STAG2: variants seen among roughly 807,000 people sequenced by gnomAD.
STAG2 encodes the protein cohesin subunit SA-2.
Under a neutral mutation model 108.1 loss-of-function variants are expected in STAG2, and 14 were observed. The observed-to-expected ratio is 0.13, with a 90% confidence interval of 0.09 to 0.20. STAG2 has a LOEUF of 0.20. STAG2 is among the 10% of genes least tolerant of loss of function. The pLI is 1.00. For missense variants in STAG2, 440 were observed against 940.9 expected, an observed-to-expected ratio of 0.47 and a Z score of 6.96; for synonymous variants, 307 against 302.7, an observed-to-expected ratio of 1.01 and a Z score of -0.15.
At chrX:123,988,020 GGAAAAT>G (rs1449086941) in intron 1 of STAG2, among the ~76,000 whole-genome samples, 5 of 111,623 alleles carry the variant, frequency 4.5e-5, no homozygotes, top group African/African-American at 6.5e-5. Context: ...AGGCTGGGAA[GGAAAAT>G]GAAAATAGGT....
chrX:124,027,116 C>G (rs916839684), intron 4 of STAG2, among the ~76,000 whole-genome samples: 76 of 111,664 alleles, frequency 6.8e-4, no homozygotes, highest in African/African-American at 2.4e-3. Context: ...TGAGATTTCA[C>G]TATGTTCCCC....
intron 1 of STAG2, among the ~76,000 whole-genome samples, chrX:123,989,130 A>T (rs1437293946): frequency 1.8e-5 from 2 of 112,029 alleles, no homozygotes; most frequent in Non-Finnish European, 3.8e-5. Context: ...GGTAGACTTA[A>T]TGAGTTTTGT....
At chrX:123,989,690 C>T (rs1170005976) in intron 1 of STAG2, among the ~76,000 whole-genome samples, 2 of 106,877 alleles carry the variant, frequency 1.9e-5, no homozygotes, top group East Asian at 2.9e-4. Context: ...CTGCAACCTC[C>T]GCCTCCCGTG....
At chrX:123,960,906 TG>T (rs1602585383), upstream of STAG2, 1 of 111,676 alleles carries the variant, frequency 9.0e-6, no homozygotes, top group African/African-American at 3.3e-5. Flanking sequence ...TCTAGAAGTT[TG>T]GAGGGGCACC....
chrX:124,058,395 C>T (rs771570570), intron 15 of STAG2, among the ~76,000 whole-genome samples: 5 of 112,120 alleles, frequency 4.5e-5, no homozygotes, highest in South Asian at 7.3e-4. Context: ...GGTGATCCGC[C>T]TGCCTTGGCC....
chrX:123,972,797 T>A (rs1165479843), intron 1 of STAG2, among the ~76,000 whole-genome samples: 2 of 90,402 alleles, frequency 2.2e-5, no homozygotes, highest in East Asian at 7.1e-4. Flanking sequence ...GGCTGGTGGA[T>A]CACTTGAGCT....
intron 25 of STAG2, among the ~76,000 whole-genome samples, chrX:124,071,839 G>C (rs751366092): frequency 2.1e-4 from 23 of 110,914 alleles, no homozygotes; most frequent in Non-Finnish European, 4.2e-4. Flanking sequence ...GTCTGGGGCA[G>C]TATATAATGT....
At chrX:124,008,316 C>T (rs756580990) in intron 1 of STAG2, among the ~76,000 whole-genome samples, 298 of 107,265 alleles carry the variant, frequency 2.8e-3, no homozygotes, top group African/African-American at 9.7e-3. Context: ...CAGGTTCAAG[C>T]GATTCTCCTG....
Position 124,090,491 on chromosome X carries a change from T to A in STAG2, c.3278-84T>A, listed in dbSNP as rs775647236. 2.4e-5 allele frequency: 19 copies of A among 778,408 alleles called. No homozygotes were observed. In the East Asian group the frequency reaches 6.0e-4, roughly 25 times the overall value. 64.1% of individuals were successfully genotyped at this position (778,408 alleles called of 1,213,427 possible). ...TGACTTGCATGTGGAAATCAACAGATGTTTATTGACCTGAACAGGTTGTAT... is the reference window on the plus strand; with the variant it reads ...TGACTTGCATGTGGAAATCAACAGAAGTTTATTGACCTGAACAGGTTGTAT... On this transcript the variant is annotated intron_variant, in intron 30 of 34. Transcript: ENST00000371145.
intron 30 of STAG2, among the ~76,000 whole-genome samples, chrX:124,090,261 A>G (rs185442357): frequency 9.4e-6 from 1 of 106,160 alleles, no homozygotes; most frequent in East Asian, 3.0e-4. Context: ...AAGCCTTTCT[A>G]GCCCACCTGA....
chrX:123,963,465 A>T (rs1268125312), intron 1 of STAG2: 1 of 111,550 alleles, frequency 9.0e-6, no homozygotes, highest in Admixed American at 9.6e-5. Flanking sequence ...AACATTTTCA[A>T]CCACTTAACG....
intron 33 of STAG2, among the ~76,000 whole-genome samples, chrX:124,095,023 G>A (rs892146302): frequency 5.4e-5 from 6 of 110,606 alleles, no homozygotes; most frequent in Non-Finnish European, 9.5e-5. Context: ...CACCTCCTGG[G>A]TTCACGCCAT....
chrX:124,036,620 C>G (rs1158921465), intron 5 of STAG2, among the ~76,000 whole-genome samples: 1 of 111,084 alleles, frequency 9.0e-6, no homozygotes, highest in Non-Finnish European at 1.9e-5. Context: ...TCAAGTGATC[C>G]GCTGGCTTCA....
intron 20 of STAG2, among the ~76,000 whole-genome samples, chrX:124,064,936 A>C (rs2058481811): frequency 9.0e-6 from 1 of 111,514 alleles, no homozygotes; most frequent in South Asian, 3.7e-4. Flanking sequence ...TTAAAATAAA[A>C]ATTCATAATT....
At chrX:124,062,853 A>G (rs1459300185) in intron 17 of STAG2, 49 bp from the exon 18 acceptor site, 1 of 1,002,171 alleles carries the variant, frequency 1.0e-6, no homozygotes, top group Admixed American at 2.5e-5. Context: ...TTGAACACTT[A>G]ACAGTGCTAA....
chrX:124,054,339 A>G (rs957841629), intron 13 of STAG2, among the ~76,000 whole-genome samples: 4 of 112,261 alleles, frequency 3.6e-5, no homozygotes, highest in Admixed American at 9.5e-5. Flanking sequence ...CATTTCTGTG[A>G]ATCGGACAAC....
chrX:124,057,272 T>G (rs1259036170), intron 14 of STAG2, among the ~76,000 whole-genome samples: 2 of 111,969 alleles, frequency 1.8e-5, no homozygotes, highest in Non-Finnish European at 3.8e-5. Flanking sequence ...CCATATAGAT[T>G]AAACTTTTCT....
intron 13 of STAG2, among the ~76,000 whole-genome samples, chrX:124,055,458 G>A (rs1194544788): frequency 8.9e-6 from 1 of 112,938 alleles, no homozygotes. Flanking sequence ...GAATGCAACA[G>A]CGTTTACCCT....
intron 1 of STAG2, among the ~76,000 whole-genome samples, chrX:123,981,408 A>C (rs2054871399): frequency 9.0e-6 from 1 of 111,241 alleles, no homozygotes; most frequent in Admixed American, 9.7e-5. Flanking sequence ...GGAATGATAC[A>C]AAATTTGTTC....
Sources: gnomAD v4.1 joint callset for allele counts (sites outside exome capture counted in the v4.1 genomes callset) on GRCh38, gnomAD v4.1.1 for gene constraint, MANE v1.5 for transcripts, NCBI Gene and HGNC (gene_info 2026-07-23, HGNC 2026-07-21) for gene names.